The following DNAH7 variants were observed in gnomAD, a reference collection of about 807,000 sequenced individuals.
The protein encoded by DNAH7 is dynein axonemal heavy chain 7.
Under a neutral mutation model 444.6 loss-of-function variants are expected in DNAH7, and 397 were observed. The ratio of observed to expected loss-of-function variants is 0.89; its 90% CI spans 0.82 to 0.97. The LOEUF (loss-of-function observed/expected upper bound fraction) is 0.97. DNAH7 is among the 50% of genes least tolerant of loss of function. DNAH7 has a pLI of 0.00. For missense variants in DNAH7, 4,902 were observed against 4,800.8 expected (o/e 1.02, Z -0.62); for synonymous variants, 1,636 against 1,624.4 (o/e 1.01, Z -0.17).
chr2:195,780,256 T>C (rs1695308036), intron 58 of DNAH7, among the ~76,000 whole-genome samples: 2 of 152,124 alleles, frequency 1.3e-5, no homozygotes, highest in Admixed American at 6.5e-5. Flanking sequence ...TTATTCACCA[T>C]TTGTATTTCT....
intron 12 of DNAH7, among the ~76,000 whole-genome samples, chr2:196,000,183 CT>C (rs1210485376): frequency 2.0e-5 from 3 of 152,094 alleles, no homozygotes; most frequent in Non-Finnish European, 4.4e-5. Context: ...TCTGATTGGA[CT>C]TACAAAACTA....
At chr2:195,884,359 T>C (rs147175060) in intron 35 of DNAH7, among the ~76,000 whole-genome samples, 18 of 152,344 alleles carry the variant, frequency 1.2e-4, no homozygotes, top group Admixed American at 3.9e-4. Flanking sequence ...GAAAGAACTA[T>C]GTTCAGAGAA....
At chr2:196,021,797 G>A (rs56681177) in intron 8 of DNAH7, among the ~76,000 whole-genome samples, 4,177 of 151,702 alleles carry the variant, frequency 0.028, 177 homozygotes, top group African/African-American at 0.095. Flanking sequence ...ACTCCAACCT[G>A]GGAAACAAAG....
rs767712996 is a variant in DNAH7 at position 195,855,891 on chromosome 2, T to G, written c.8515A>C (p.Lys2839Gln). The G allele has an allele frequency of 6.2e-7, 1 of 1,614,084 alleles. No homozygotes were observed. The highest frequency in any genetic ancestry group is 1.1e-5 in the South Asian group (1 of 91,074). The change falls in exon 45 of 65, where the codon AAG (lysine) becomes CAG (glutamine). Residue 2839 changes from lysine to glutamine, a missense_variant. Lys to Gln is a moderately conservative substitution (Grantham distance 53, BLOSUM62 1). Transcript: ENST00000312428. The stretch of plus-strand genomic sequence containing the variant: ...CTGGCCAGCTTGTCCTGAACTTCCT[T>G]AAGGGCTGCCTGCTTCTTTCTAAGA... Reference protein sequence around the residue: ...DGLRKKQAALKEVQDKLARLQ... With the variant: ...DGLRKKQAALQEVQDKLARLQ...
chr2:196,060,666 T>C (rs73044651), intron 1 of DNAH7, among the ~76,000 whole-genome samples: 8,515 of 152,260 alleles, frequency 0.056, 379 homozygotes, highest in African/African-American at 0.13. Flanking sequence ...CCTCTAGCAA[T>C]TGCCCGATTT....
chr2:195,881,840 T>C lies in DNAH7; in HGVS notation c.5916A>G (p.Ser1972=), dbSNP rs748355347. ...MELLTTHQKP[S]IFVGPTGTGK... ...CAGTTCCTGTTGGTCCTACAAATATTGAAGGCTTTTGATGGGTGGTCAGCA... is the reference window on the plus strand; with the variant it reads ...CAGTTCCTGTTGGTCCTACAAATATCGAAGGCTTTTGATGGGTGGTCAGCA... Residue 1972 remains serine, a synonymous_variant, in exon 36 of 65, where the codon TCA becomes TCG. Coordinates refer to ENST00000312428, the MANE Select transcript of DNAH7 (RefSeq NM_018897.3). The C allele has an allele frequency of 1.9e-6, 3 of 1,613,934 alleles. No individual in the cohort carries two copies. The African/African-American group carries it at 4.0e-5, about 22-fold the overall frequency.
rs200505963 is a variant in DNAH7 at position 195,875,696 on chromosome 2, T to C, written c.6265A>G (p.Met2089Val). 1.2e-4 allele frequency: 197 copies of C among 1,599,780 alleles called. No individual in the cohort carries two copies. In the East Asian group the frequency reaches 3.3e-3, roughly 27 times the overall value. ...GTACCTGGAGGTCCCATAGCACACA[T>C]GATCTGAATGTCCACTAGTTTAATC... ...SMIKLVDIQI[M>V]CAMGPPGGGR... The change falls in exon 38 of 65, where the codon ATG becomes GTG. Residue 2089 changes from methionine (M) to valine (V), a missense_variant. Coordinates refer to ENST00000312428, the MANE Select transcript of DNAH7 (RefSeq NM_018897.3).
intron 12 of DNAH7, among the ~76,000 whole-genome samples, chr2:195,993,847 TA>T (rs1693512739): frequency 6.6e-6 from 1 of 152,152 alleles, no homozygotes; most frequent in South Asian, 2.1e-4. Flanking sequence ...GAAATGCTAT[TA>T]AGGAAGATCA....
intron 36 of DNAH7, 67 bp downstream of exon 36, chr2:195,881,728 T>C: frequency 6.8e-7 from 1 of 1,460,854 alleles, no homozygotes; most frequent in Non-Finnish European, 9.4e-7. Context: ...ATTATTTGTC[T>C]GCTATTTCAA....
intron 21 of DNAH7, among the ~76,000 whole-genome samples, chr2:195,927,011 G>A (rs1688375727): frequency 6.6e-6 from 1 of 151,838 alleles, no homozygotes; most frequent in Non-Finnish European, 1.5e-5. Flanking sequence ...TGCACACTTG[G>A]GCATCACACA....
chr2:195,824,415 T>C lies in DNAH7; in HGVS notation c.9131A>G (p.Asp3044Gly). The C allele has an allele frequency of 6.2e-7, 1 of 1,607,374 alleles. No individual in the cohort carries two copies. The highest frequency in any genetic ancestry group is 8.5e-7 in the Non-Finnish European group (1 of 1,177,208). The change falls in exon 49 of 65, where the codon GAT (aspartate) becomes GGT (glycine). Residue 3044 changes from aspartate (D) to glycine (G), a missense_variant. Transcript: ENST00000312428. ...TAGTAGAAGAGGTTCCAAAATAGGATCTAGTTCTTCGCCAACATTTTCTAG... is the reference window on the plus strand; with the variant it reads ...TAGTAGAAGAGGTTCCAAAATAGGACCTAGTTCTTCGCCAACATTTTCTAG... Reference protein sequence around the residue: ...VLLENVGEELDPILEPLLLKQ... With the variant: ...VLLENVGEELGPILEPLLLKQ...
At chr2:195,931,432 T>C (rs1429279339) in intron 21 of DNAH7, among the ~76,000 whole-genome samples, 8 of 152,050 alleles carry the variant, frequency 5.3e-5, no homozygotes, top group East Asian at 1.9e-4. Flanking sequence ...TTTAATGAGA[T>C]CCCATTTGTC....
intron 29 of DNAH7, among the ~76,000 whole-genome samples, chr2:195,896,715 G>C (rs575187689): frequency 6.6e-6 from 1 of 152,124 alleles, no homozygotes; most frequent in East Asian, 1.9e-4. Flanking sequence ...AATCTGTACA[G>C]TGCACCAGTA....
At chr2:195,793,584 G>T (rs2105988108) in intron 57 of DNAH7, among the ~76,000 whole-genome samples, 1 of 152,266 alleles carries the variant, frequency 6.6e-6, no homozygotes, top group East Asian at 1.9e-4. Flanking sequence ...TTAAGAGATG[G>T]TTTGACTTAG....
At position 195,888,948 on chromosome 2, in the gene DNAH7, G is replaced by C. The variant is rs201674812; in HGVS notation, c.5080C>G (p.Pro1694Ala). 2.7e-4 allele frequency: 437 copies of C among 1,612,502 alleles called. 2 individuals carry two copies. The highest frequency in any genetic ancestry group is 4.8e-5 in the Non-Finnish European group (57 of 1,179,594). Residue 1694 changes from proline to alanine, a missense_variant, in exon 32 of 65, where the codon CCA (proline) becomes GCA (alanine). Pro to Ala is a conservative substitution (Grantham distance 27). Coordinates refer to ENST00000312428, the MANE Select transcript of DNAH7 (RefSeq NM_018897.3). The stretch of plus-strand genomic sequence containing the variant: ...TTCTCAATCCACACTGCATCTACTG[G>C]GCCATCAAAAATTAACCATTTCCTA... ...PDRKWLIFDG[P>A]VDAVWIENMN... is the part of the protein sequence containing the mutation.
chr2:196,007,320 A>G (rs2889142), intron 10 of DNAH7, among the ~76,000 whole-genome samples: 32,853 of 152,092 alleles, frequency 0.22, 6,799 homozygotes, highest in African/African-American at 0.55. Flanking sequence ...AAGACAACTC[A>G]CTCAGAAGAG....
chr2:196,008,919 T>C (rs566142143), intron 10 of DNAH7, among the ~76,000 whole-genome samples: 3 of 152,204 alleles, frequency 2.0e-5, no homozygotes, highest in African/African-American at 7.2e-5. Flanking sequence ...CTATACGCTG[T>C]AGCAGCATGG....
intron 19 of DNAH7, among the ~76,000 whole-genome samples, chr2:195,937,998 G>C (rs1689166443): frequency 1.3e-5 from 2 of 152,024 alleles, no homozygotes; most frequent in Non-Finnish European, 2.9e-5. Flanking sequence ...TAACTAATTA[G>C]ATATTTTTGG....
At chr2:195,758,759 G>C (rs927911180) in intron 61 of DNAH7, among the ~76,000 whole-genome samples, 2 of 152,206 alleles carry the variant, frequency 1.3e-5, no homozygotes, top group Non-Finnish European at 2.9e-5. Context: ...GATTGAGACT[G>C]TACTGGAACT....
Sources: allele counts gnomAD v4.1 joint callset (sites outside exome capture counted in the v4.1 genomes callset), GRCh38; gene constraint gnomAD v4.1.1; transcripts MANE v1.5; gene names NCBI Gene and HGNC (gene_info 2026-07-23, HGNC 2026-07-21).